AGAP1: variants seen among roughly 807,000 people sequenced by gnomAD.
The protein encoded by AGAP1 is ArfGAP with GTPase domain, ankyrin repeat and PH domain 1.
In AGAP1, 29 loss-of-function variants were observed where a neutral mutation model predicts 105.3. The observed-to-expected ratio is 0.28, with a 90% confidence interval of 0.21 to 0.38. The LOEUF (loss-of-function observed/expected upper bound fraction) is 0.38. Ranked by LOEUF, AGAP1 falls within the 10% of genes least tolerant of loss-of-function variation. The pLI is 1.00. For missense variants in AGAP1, 998 were observed against 1,165.1 expected (o/e 0.86, Z 2.09); for synonymous variants, 509 against 485.9 (o/e 1.05, Z -0.63).
In AGAP1 at chr2:235,855,530, A is replaced by G. The variant is rs1180804885; in HGVS notation, c.1051-27815A>G. Among the ~76,000 whole-genome samples the G allele has an allele frequency of 6.6e-6, 1 of 152,250 alleles. No homozygotes were observed. Among genetic ancestry groups the G allele is most frequent in the Non-Finnish European group, 1.5e-5 (1 of 68,034 alleles). ...TTTGAAGTCATAAAAGTTGAGTTAT[A>G]GTAAATTTAAAATCGAGCAATTTCT... On this transcript the variant is annotated intron_variant, in intron 9 of 17. Transcript: ENST00000304032. The surrounding 1 kb of genome is among the most constrained non-coding windows in gnomAD (Gnocchi z 5.0).
intron 9 of AGAP1, among the ~76,000 whole-genome samples, chr2:235,810,604 A>T (rs746028930): frequency 2.0e-5 from 3 of 152,060 alleles, no homozygotes; most frequent in Non-Finnish European, 2.9e-5. Flanking sequence ...TCCATCTGAT[A>T]CCTCGTTCGC....
chr2:236,022,980 A>T (rs759002543), intron 13 of AGAP1, among the ~76,000 whole-genome samples: 32 of 152,212 alleles, frequency 2.1e-4, no homozygotes, highest in Non-Finnish European at 4.3e-4. Context: ...TCTAAGCCAC[A>T]CGCCTATTTA....
intron 1 of AGAP1, among the ~76,000 whole-genome samples, chr2:235,672,852 A>T (rs746735142): frequency 7.9e-5 from 12 of 152,232 alleles, no homozygotes; most frequent in Non-Finnish European, 1.8e-4. Flanking sequence ...ATGGATTGAT[A>T]GTAGATTTGG....
rs2051205729 is a variant in AGAP1, at chr2:235,904,425, T to C, written c.1156-4313T>C. On this transcript the variant is annotated intron_variant, in intron 10 of 17. Coordinates refer to ENST00000304032, the MANE Select transcript of AGAP1 (RefSeq NM_001037131.3). This position sits in a 1 kb window ranked among gnomAD's most constrained non-coding sequence, Gnocchi z 4.2. ...TGCAATTACTACTTTTTCAAGCTGTTGAGGGGCAGGAGATGGCACCTCTGG... is the reference window on the plus strand; with the variant it reads ...TGCAATTACTACTTTTTCAAGCTGTCGAGGGGCAGGAGATGGCACCTCTGG... Among the ~76,000 whole-genome samples, 1 of 152,146 alleles carries C rather than the reference T, an allele frequency of 6.6e-6. No homozygotes were observed. The highest frequency in any genetic ancestry group is 6.5e-5 in the Admixed American group (1 of 15,274).
At position 235,964,300 on chromosome 2, in the gene AGAP1, G is replaced by A. The variant is rs1487049374; in HGVS notation, c.1484-4162G>A. 2.0e-5 allele frequency among the ~76,000 whole-genome samples: 3 copies of A among 152,024 alleles called. No individual in the cohort carries two copies. The highest frequency in any genetic ancestry group is 1.9e-4 in the East Asian group (1 of 5,184). ...TAATATAATAATATTACTTAATAGC[G>A]GCCCCTGGCAGCCGAGGAGAGTTGC... On this transcript the variant is annotated intron_variant, in intron 12 of 17. Coordinates refer to ENST00000304032, the MANE Select transcript of AGAP1 (RefSeq NM_001037131.3). This position sits in a 1 kb window ranked among gnomAD's most constrained non-coding sequence, Gnocchi z 4.6.
At chr2:236,015,588 C>A (rs1260971070) in intron 13 of AGAP1, among the ~76,000 whole-genome samples, 1 of 151,742 alleles carries the variant, frequency 6.6e-6, no homozygotes, top group East Asian at 1.9e-4. Context: ...TGTCAAGGGT[C>A]GGAATTACTT....
At chr2:235,849,073 C>T (rs191512768) in intron 9 of AGAP1, among the ~76,000 whole-genome samples, 1 of 152,304 alleles carries the variant, frequency 6.6e-6, no homozygotes, top group East Asian at 1.9e-4. Flanking sequence ...CCCTGTAATT[C>T]ATTAGTTTCA....
chr2:236,080,403 A>C lies in AGAP1; in HGVS notation c.2114+31122A>C, dbSNP rs916633946. 3.3e-5 allele frequency among the ~76,000 whole-genome samples: 5 copies of C among 152,228 alleles called. No homozygotes were observed. Among genetic ancestry groups the C allele is most frequent in the Admixed American group, 1.3e-4 (2 of 15,286 alleles). On this transcript the variant is annotated intron_variant, in intron 16 of 17. Transcript: ENST00000304032. This position sits in a 1 kb window ranked among gnomAD's most constrained non-coding sequence, Gnocchi z 4.2. ...ACAGCTAGGAGGAAATAAGGACGTCAGTTTGCAACCAGACAAGTTTAGAGG... is the reference window on the plus strand; with the variant it reads ...ACAGCTAGGAGGAAATAAGGACGTCCGTTTGCAACCAGACAAGTTTAGAGG...
chr2:235,755,946 T>TA lies in AGAP1; in HGVS notation c.673+5459dup, dbSNP rs538573545. On this transcript the variant is annotated intron_variant, in intron 6 of 17. Coordinates refer to ENST00000304032, the MANE Select transcript of AGAP1 (RefSeq NM_001037131.3). The stretch of plus-strand genomic sequence containing the variant: ...AAGGTCACCTAAAATAGTTATAACT[T>TA]AGTGACAAAAATAAATCCTCCCTTC... Among the ~76,000 whole-genome samples the TA allele has an allele frequency of 1.2e-4, 18 of 152,198 alleles. No individual in the cohort carries two copies. In the East Asian group the frequency reaches 3.3e-3, roughly 28 times the overall value.
chr2:236,055,232 G>A lies in AGAP1; in HGVS notation c.2114+5951G>A, dbSNP rs1259423494. Among the ~76,000 whole-genome samples, 1 of 151,992 alleles carries A rather than the reference G, an allele frequency of 6.6e-6. No homozygotes were observed. The highest frequency in any genetic ancestry group is 1.9e-4 in the East Asian group (1 of 5,174). On this transcript the variant is annotated intron_variant, in intron 16 of 17. Transcript: ENST00000304032. The surrounding 1 kb of genome is among the most constrained non-coding windows in gnomAD (Gnocchi z 6.2). ...TTTTAATCAGCCTGTCTTCTACTCC[G>A]GCGATCAGAGTTAACAATTATAGCA... is the stretch of plus-strand genomic sequence containing the variant.
In AGAP1 at chr2:235,788,067, T is replaced by A. The variant is rs1414641391; in HGVS notation, c.674-9692T>A. Reference sequence around the variant, plus strand: ...CATCAACGCTGCAGCCTCTGAGTCATGCATGCCTCATGGGGTCATCCTGAC... The same window carrying A: ...CATCAACGCTGCAGCCTCTGAGTCAAGCATGCCTCATGGGGTCATCCTGAC... On this transcript the variant is annotated intron_variant, in intron 6 of 17. Transcript: ENST00000304032. The surrounding 1 kb of genome is among the most constrained non-coding windows in gnomAD (Gnocchi z 6.0). 6.6e-6 allele frequency among the ~76,000 whole-genome samples: 1 copy of A among 152,180 alleles called. No homozygotes were observed. The highest frequency in any genetic ancestry group is 1.5e-5 in the Non-Finnish European group (1 of 68,028).
At position 236,051,986 on chromosome 2, in the gene AGAP1, C is replaced by T. The variant is rs2057914036; in HGVS notation, c.2114+2705C>T. Among the ~76,000 whole-genome samples the T allele has an allele frequency of 6.6e-6, 1 of 152,194 alleles. No individual in the cohort carries two copies. Among genetic ancestry groups the T allele is most frequent in the Non-Finnish European group, 1.5e-5 (1 of 68,034 alleles). On this transcript the variant is annotated intron_variant, in intron 16 of 17. Transcript: ENST00000304032. This position sits in a 1 kb window ranked among gnomAD's most constrained non-coding sequence, Gnocchi z 5.9. ...GGGGCTGGAATCTCCGCAAGCCGGTCTGTCCATGACGTGAGAAGATTCTGC... is the reference window on the plus strand; with the variant it reads ...GGGGCTGGAATCTCCGCAAGCCGGTTTGTCCATGACGTGAGAAGATTCTGC...
At chr2:236,030,857 T>C (rs559539481) in intron 13 of AGAP1, among the ~76,000 whole-genome samples, 1 of 152,258 alleles carries the variant, frequency 6.6e-6, no homozygotes, top group South Asian at 2.1e-4. Flanking sequence ...AGGCAAGGGC[T>C]GAAAGTAGAA....
chr2:235,537,618 C>A (rs1441368401), intron 1 of AGAP1, among the ~76,000 whole-genome samples: 1 of 152,178 alleles, frequency 6.6e-6, no homozygotes, highest in Non-Finnish European at 1.5e-5. Flanking sequence ...TGAAAATGAT[C>A]TGTTTGTTTC....
At chr2:235,838,577 A>G (rs912798540) in intron 9 of AGAP1, among the ~76,000 whole-genome samples, 32 of 152,370 alleles carry the variant, frequency 2.1e-4, no homozygotes, top group African/African-American at 6.7e-4. Flanking sequence ...TGTATTAGCC[A>G]CCATCAGTAG....
In AGAP1 at chr2:236,104,166, C is replaced by T. The variant is rs2125915686; in HGVS notation, c.2115-16026C>T. Among the ~76,000 whole-genome samples, 1 of 152,328 alleles carries T rather than the reference C, an allele frequency of 6.6e-6. No homozygotes were observed. Among genetic ancestry groups the T allele is most frequent in the Admixed American group, 6.5e-5 (1 of 15,308 alleles). On this transcript the variant is annotated intron_variant, in intron 16 of 17. Transcript: ENST00000304032. The surrounding 1 kb of genome is among the most constrained non-coding windows in gnomAD (Gnocchi z 4.7). Reference sequence around the variant, plus strand: ...GCAAGGCGGGAGGCCTGTGTAAAGGCCTGCAGGAAGAGGCTGAGGGCCCGC... The same window carrying T: ...GCAAGGCGGGAGGCCTGTGTAAAGGTCTGCAGGAAGAGGCTGAGGGCCCGC...
At chr2:235,658,919 G>A (rs986147081) in intron 1 of AGAP1, among the ~76,000 whole-genome samples, 20 of 152,154 alleles carry the variant, frequency 1.3e-4, no homozygotes, top group Non-Finnish European at 2.6e-4. Context: ...TACTTTCTCC[G>A]AAAGCTCTTT....
chr2:235,847,504 A>T (rs1031490729), intron 9 of AGAP1, among the ~76,000 whole-genome samples: 4 of 152,278 alleles, frequency 2.6e-5, no homozygotes, highest in African/African-American at 9.6e-5. Flanking sequence ...AGAAAATTAC[A>T]TCTTTGAAAA....
At chr2:235,528,981 G>A (rs1250981099) in intron 1 of AGAP1, among the ~76,000 whole-genome samples, 1 of 152,168 alleles carries the variant, frequency 6.6e-6, no homozygotes, top group African/African-American at 2.4e-5. Flanking sequence ...CAGCCAGTGG[G>A]GTTAATTTTT....
Sources: allele counts gnomAD v4.1 joint callset (sites outside exome capture counted in the v4.1 genomes callset), GRCh38; gene constraint gnomAD v4.1.1; non-coding constraint Gnocchi (gnomAD v3.1); transcripts MANE v1.5; gene names NCBI Gene and HGNC (gene_info 2026-07-23, HGNC 2026-07-21).